PHF10: variants seen among roughly 807,000 people sequenced by gnomAD.
PHF10 encodes PHD finger protein 10, also known as BRG1-associated factor 45a.
In PHF10, 51 loss-of-function variants were observed where a neutral mutation model predicts 68.5. The observed-to-expected ratio is 0.74, with a 90% CI of 0.59 to 0.94. The LOEUF (loss-of-function observed/expected upper bound fraction) is 0.94. Ranked by LOEUF, PHF10 falls within the 40% of genes least tolerant of loss-of-function variation. The pLI is 0.00. For synonymous variants in PHF10, 204 were observed against 203.5 expected (o/e 1.00, Z -0.02); for missense variants, 460 against 602.6 (o/e 0.76, Z 2.48).
chr6:169,716,111 AAAAT>A (rs1789041611), intron 4 of PHF10, 23 bp from the exon 5 acceptor site: 2 of 1,502,384 alleles, frequency 1.3e-6, no homozygotes, highest in Non-Finnish European at 1.8e-6. Context: ...AAAAAATAAA[AAAAT>A]AAAGAAGCTC....
In PHF10 at chr6:169,704,023, TC is replaced by T; in HGVS notation, c.1476del (p.Asn494ThrfsTer?). 1.2e-6 allele frequency: 2 copies of T among 1,601,630 alleles called. No homozygotes were observed. The highest frequency in any genetic ancestry group is 1.7e-6 in the Non-Finnish European group (2 of 1,176,136). On this transcript the variant is annotated frameshift_variant, in exon 12 of 12. Coordinates refer to ENST00000339209, the MANE Select transcript of PHF10 (RefSeq NM_018288.4). LOFTEE classifies it high-confidence loss of function. ...CTATTTTATCCCTCTTTGCTGTTTT[TC>T]CCCCTTCTGCCCACTTTCCTGGGTG... ...PPTPRKVGRRGKNSKEG is the reference protein window; with the variant it reads ...PPTPRKVGRRXKNSKEG
rs1789271088 is a variant in PHF10, at chr6:169,724,313, C to T, written c.-382G>A. On this transcript the variant is annotated 5_prime_UTR_variant, in exon 1 of 12. Coordinates refer to ENST00000339209, the MANE Select transcript of PHF10 (RefSeq NM_018288.4). ...GCTCCGCCGCTGGCCTCAGCGCCGC[C>T]GCGACTCCCTTCAGCCCCGCCACTC... Among the ~76,000 whole-genome samples, 2 of 126,740 alleles carry T rather than the reference C, an allele frequency of 1.6e-5. No individual in the cohort carries two copies. Among genetic ancestry groups the T allele is most frequent in the South Asian group, 5.1e-4 (2 of 3,928 alleles). 83.1% of individuals were successfully genotyped at this position (126,740 alleles called of 152,430 possible).
At chr6:169,709,993 G>GAA in intron 9 of PHF10, 1 of 279,862 alleles carries the variant, frequency 3.6e-6, no homozygotes. Context: ...TTCTTTCAAA[G>GAA]AAAAAAAAAG....
At chr6:169,708,280 G>A (rs909015287) in intron 9 of PHF10, 3 of 152,114 alleles carry the variant, frequency 2.0e-5, no homozygotes, top group South Asian at 4.1e-4. Flanking sequence ...TTTATAGGCC[G>A]GAATCCTAAT....
At position 169,714,805 on chromosome 6, in the gene PHF10, G is replaced by A. The variant is rs749353900; in HGVS notation, c.731C>T (p.Pro244Leu). 1 of 1,604,552 alleles carries A rather than the reference G, an allele frequency of 6.2e-7. No individual in the cohort carries two copies. The highest frequency in any genetic ancestry group is 1.1e-5 in the South Asian group (1 of 90,870). Residue 244 changes from proline to leucine, a missense_variant, in exon 7 of 12, where the codon CCA becomes CTA. Physicochemically the swap from Pro to Leu is moderately conservative, Grantham distance 98 (BLOSUM62 -3). This residue lies in a region of PHF10 where 256 missense variants were observed against 410.5 expected (regional missense o/e 0.62). Coordinates refer to ENST00000339209, the MANE Select transcript of PHF10 (RefSeq NM_018288.4). ...QVPQGKYKVL[P>L]TERTKVSSYP... ...AGAACTGACCTTTGTTCGCTCTGTT[G>A]GCAAAACTTTGTACTTCCCTTGAGG...
At chr6:169,707,570 C>T (rs1204979323) in intron 9 of PHF10, 1 of 152,030 alleles carries the variant, frequency 6.6e-6, no homozygotes, top group Non-Finnish European at 1.5e-5. Flanking sequence ...AGGGAAGTAA[C>T]CAAACAATAT....
intron 2 of PHF10, chr6:169,719,198 A>G: frequency 3.9e-6 from 1 of 257,026 alleles, no homozygotes; most frequent in Non-Finnish European, 7.5e-6. Context: ...AGTTTAAAGG[A>G]CCTATGAGGG....
Position 169,712,638 on chromosome 6 carries a change from C to G in PHF10, c.804-99G>C, listed in dbSNP as rs180707936. On this transcript the variant is annotated intron_variant, in intron 7 of 11. Transcript: ENST00000339209. ...GATAGCCTTAAACTTCTTGAGTAAC[C>G]CCGAAGACTTTTGAAAACTAGAGTA... 9.0e-6 allele frequency: 9 copies of G among 998,146 alleles called. No individual in the cohort carries two copies. In the East Asian group the frequency reaches 2.4e-4, roughly 27 times the overall value. The allele number at this position is 998,146 out of a possible 1,614,324, so 61.8% of individuals were successfully genotyped here. A position where few individuals can be genotyped will look rare whatever the true frequency, so the allele number is the denominator to read the frequency against.
intron 2 of PHF10, 39 bp downstream of exon 2, chr6:169,720,966 C>T (rs1172351737): frequency 9.2e-7 from 1 of 1,084,990 alleles, no homozygotes; most frequent in Non-Finnish European, 1.4e-6. Flanking sequence ...CAAAGAGGAA[C>T]ATCACAAAAA....
intron 8 of PHF10, 88 bp from the exon 9 acceptor site, chr6:169,710,479 A>G (rs1189074208): frequency 4.4e-6 from 4 of 914,352 alleles, no homozygotes; most frequent in South Asian, 1.5e-5. Context: ...ATATTCAAAG[A>G]AAGTTTTAAA....
At chr6:169,715,293 T>C (rs1387420116) in intron 6 of PHF10, among the ~76,000 whole-genome samples, 1 of 152,158 alleles carries the variant, frequency 6.6e-6, no homozygotes, top group Non-Finnish European at 1.5e-5. Context: ...CACAAAAAAA[T>C]GTAAATTGAG....
At position 169,704,001 on chromosome 6, in the gene PHF10, T is replaced by C; in HGVS notation, c.*2A>G. Reference sequence around the variant, plus strand: ...TATACAGTATTAGAGTCAAAAACTATTTTATCCCTCTTTGCTGTTTTTCCC... The same window carrying C: ...TATACAGTATTAGAGTCAAAAACTACTTTATCCCTCTTTGCTGTTTTTCCC... On this transcript the variant is annotated 3_prime_UTR_variant, in exon 12 of 12. Transcript: ENST00000339209. 3 of 1,598,248 alleles carry C rather than the reference T, an allele frequency of 1.9e-6. No homozygotes were observed. Among genetic ancestry groups the C allele is most frequent in the Non-Finnish European group, 2.6e-6 (3 of 1,173,956 alleles).
At position 169,710,440 on chromosome 6, in the gene PHF10, T is replaced by C. The variant is rs1370838450; in HGVS notation, c.958-49A>G. 5.8e-6 allele frequency: 8 copies of C among 1,374,018 alleles called. 1 individual carries two copies. Among genetic ancestry groups the C allele is most frequent in the South Asian group, 1.2e-5 (1 of 80,160 alleles). 85.1% of individuals were successfully genotyped at this position (1,374,018 alleles called of 1,614,324 possible). On this transcript the variant is annotated intron_variant, in intron 8 of 11. Transcript: ENST00000339209. ...AAGATTCTTTGGAATTAAGACAAAT[T>C]TGAGTCTGGATTTTGAAAACTATGG...
At position 169,716,888 on chromosome 6, in the gene PHF10, C is replaced by T. The variant is rs185597358; in HGVS notation, c.410-800G>A. ...CACACACCATGCACTTAGCAAAGAA[C>T]CTGCAACTTAAAAAAATATATTGTA... On this transcript the variant is annotated intron_variant, in intron 4 of 11. Coordinates refer to ENST00000339209, the MANE Select transcript of PHF10 (RefSeq NM_018288.4). Among the ~76,000 whole-genome samples, 994 of 152,188 alleles carry T rather than the reference C, an allele frequency of 6.5e-3. 8 individuals are homozygous for T. The highest frequency in any genetic ancestry group is 6.8e-3 in the African/African-American group (283 of 41,522).
chr6:169,714,422 A>G (rs1270778210), intron 7 of PHF10, among the ~76,000 whole-genome samples: 1 of 152,220 alleles, frequency 6.6e-6, no homozygotes, highest in African/African-American at 2.4e-5. Context: ...CAAGCTTCTG[A>G]GCAATAACAG....
At position 169,712,509 on chromosome 6, in the gene PHF10, T is replaced by C. The variant is rs1337478767; in HGVS notation, c.834A>G (p.Pro278=). 1.2e-6 allele frequency: 2 copies of C among 1,613,764 alleles called. No homozygotes were observed. The highest frequency in any genetic ancestry group is 2.2e-5 in the South Asian group (2 of 91,010). The change falls in exon 8 of 12, where the codon CCA becomes CCG. Residue 278 remains proline (P), a synonymous_variant. Coordinates refer to ENST00000339209, the MANE Select transcript of PHF10 (RefSeq NM_018288.4). Reference sequence around the variant, plus strand: ...GGGGCTCATACAGGGCTGTGTTTAATGGCAGATACCGCAGCTCATCTGGTG... The same window carrying C: ...GGGGCTCATACAGGGCTGTGTTTAACGGCAGATACCGCAGCTCATCTGGTG... The part of the protein sequence containing the change: ...RYSPDELRYL[P]LNTALYEPPL...
At chr6:169,710,030 A>G in intron 9 of PHF10, 1 of 412,206 alleles carries the variant, frequency 2.4e-6, no homozygotes, top group Non-Finnish European at 4.3e-6. Context: ...TATACAGAAA[A>G]CAGAAGGTAA....
chr6:169,707,739 T>G (rs1317060605), intron 9 of PHF10: 1 of 152,132 alleles, frequency 6.6e-6, no homozygotes, highest in Non-Finnish European at 1.5e-5. Context: ...CACCAAAAAA[T>G]TCTAGGTTTA....
intron 8 of PHF10, among the ~76,000 whole-genome samples, chr6:169,711,257 T>C (rs1272680503): frequency 6.6e-6 from 1 of 152,202 alleles, no homozygotes; most frequent in Non-Finnish European, 1.5e-5. Context: ...TTGGTATTTT[T>C]TAAAAGCATT....
Sources: allele counts gnomAD v4.1 joint callset (sites outside exome capture counted in the v4.1 genomes callset), GRCh38; gene constraint gnomAD v4.1.1; regional missense constraint gnomAD v4.1.1; transcripts MANE v1.5; gene names NCBI Gene and HGNC (gene_info 2026-07-23, HGNC 2026-07-21).